RAP1GAP2: variants seen among roughly 807,000 people sequenced by gnomAD.
The protein encoded by RAP1GAP2 is rap1 GTPase-activating protein 2.
Under a neutral mutation model 95.0 loss-of-function variants are expected in RAP1GAP2, and 27 were observed. The ratio of observed to expected loss-of-function variants is 0.28; its 90% CI spans 0.21 to 0.39. The LOEUF (loss-of-function observed/expected upper bound fraction) is 0.39, where lower values mean the gene tolerates loss of function less well. RAP1GAP2 is among the 10% of genes least tolerant of loss of function. The pLI, the probability that RAP1GAP2 is intolerant of heterozygous loss-of-function variation, is 1.00. For synonymous variants in RAP1GAP2, 373 were observed against 380.9 expected (o/e 0.98, Z 0.24); for missense variants, 771 against 970.0 (o/e 0.79, Z 2.72).
intron 3 of RAP1GAP2, among the ~76,000 whole-genome samples, chr17:2,929,844 T>A (rs1355042719): frequency 6.6e-6 from 1 of 151,936 alleles, no homozygotes; most frequent in African/African-American, 2.4e-5. Flanking sequence ...GCCTGAGGCT[T>A]GTAGGTTCAG....
chr17:2,963,987 C>G lies in RAP1GAP2; in HGVS notation c.411C>G (p.Asp137Glu). The change falls in exon 7 of 25, where the codon GAC becomes GAG. Residue 137 changes from aspartate to glutamate, a missense_variant. Transcript: ENST00000254695. The surrounding 1 kb of genome is among the most constrained non-coding windows in gnomAD (Gnocchi z 4.8). ...GSSICEEEEEDNLSPNTFGYK... is the reference protein window; with the variant it reads ...GSSICEEEEEENLSPNTFGYK... ...GCATCTGTGAGGAGGAGGAAGAGGA[C>G]AACCTCAGCCCCAACACATTTGGCT... The G allele has an allele frequency of 1.2e-6, 2 of 1,612,898 alleles. No individual in the cohort carries two copies. Among genetic ancestry groups the G allele is most frequent in the Non-Finnish European group, 1.7e-6 (2 of 1,179,716 alleles).
At chr17:2,976,566 GA>G (rs2045130293) in intron 8 of RAP1GAP2, among the ~76,000 whole-genome samples, 1 of 152,068 alleles carries the variant, frequency 6.6e-6, no homozygotes, top group Non-Finnish European at 1.5e-5. Context: ...GGTATTTAGA[GA>G]GAGATGTATA....
intron 22 of RAP1GAP2, among the ~76,000 whole-genome samples, chr17:3,028,039 C>T (rs1481312133): frequency 1.3e-5 from 2 of 151,998 alleles, no homozygotes; most frequent in African/African-American, 4.8e-5. Flanking sequence ...CAGCACAGGA[C>T]TTTGAGCCTG....
At chr17:2,814,070 G>A (rs1210574585) in intron 2 of RAP1GAP2, among the ~76,000 whole-genome samples, 1 of 152,134 alleles carries the variant, frequency 6.6e-6, no homozygotes, top group Non-Finnish European at 1.5e-5. Context: ...TACTGTTCTA[G>A]GCCTAGTAGG....
chr17:2,758,752 A>G (rs1172515711), intron 1 of RAP1GAP2, among the ~76,000 whole-genome samples: 1 of 152,086 alleles, frequency 6.6e-6, no homozygotes, highest in Non-Finnish European at 1.5e-5. Flanking sequence ...GTAGAAATCG[A>G]CTCAAACTAG....
intron 2 of RAP1GAP2, among the ~76,000 whole-genome samples, chr17:2,874,475 A>C (rs2072998558): frequency 6.6e-6 from 1 of 151,654 alleles, no homozygotes; most frequent in Non-Finnish European, 1.5e-5. Context: ...CAGGGCTGAG[A>C]TGACCTATCT....
intron 2 of RAP1GAP2, among the ~76,000 whole-genome samples, chr17:2,839,235 A>G (rs1427229406): frequency 6.6e-6 from 1 of 152,062 alleles, no homozygotes; most frequent in Non-Finnish European, 1.5e-5. Context: ...CCCAGGAGGC[A>G]GAGGTTGAGT....
intron 2 of RAP1GAP2, among the ~76,000 whole-genome samples, chr17:2,842,544 A>T (rs1453383588): frequency 1.5e-5 from 1 of 68,692 alleles, no homozygotes; most frequent in East Asian, 3.3e-4. Context: ...AAAAAAAAAA[A>T]AAAAAAAATA....
At chr17:2,966,788 G>T (rs1453893953) in intron 8 of RAP1GAP2, among the ~76,000 whole-genome samples, 1 of 152,178 alleles carries the variant, frequency 6.6e-6, no homozygotes, top group Non-Finnish European at 1.5e-5. Flanking sequence ...TTTCCAGCTA[G>T]GTGAACCTCT....
At position 2,903,615 on chromosome 17, in the gene RAP1GAP2, G is replaced by A. The variant is rs1448569189; in HGVS notation, c.81-1669G>A. On this transcript the variant is annotated intron_variant, in intron 2 of 24. Coordinates refer to ENST00000254695, the MANE Select transcript of RAP1GAP2 (RefSeq NM_015085.5). This position sits in a 1 kb window ranked among gnomAD's most constrained non-coding sequence, Gnocchi z 4.1. Reference sequence around the variant, plus strand: ...CAGCCATCAAAACTTACATCAACAAGGTCCAGGAAGAAAGAAAGAGGAAGG... The same window carrying A: ...CAGCCATCAAAACTTACATCAACAAAGTCCAGGAAGAAAGAAAGAGGAAGG... 6.6e-6 allele frequency among the ~76,000 whole-genome samples: 1 copy of A among 152,192 alleles called. No homozygotes were observed. The highest frequency in any genetic ancestry group is 1.9e-4 in the East Asian group (1 of 5,186).
rs2072085392 is a variant in RAP1GAP2, at chr17:2,855,276, A to G, written c.81-50008A>G. Among the ~76,000 whole-genome samples, 1 of 152,222 alleles carries G rather than the reference A, an allele frequency of 6.6e-6. No homozygotes were observed. Among genetic ancestry groups the G allele is most frequent in the South Asian group, 2.1e-4 (1 of 4,830 alleles). On this transcript the variant is annotated intron_variant, in intron 2 of 24. Coordinates refer to ENST00000254695, the MANE Select transcript of RAP1GAP2 (RefSeq NM_015085.5). This position sits in a 1 kb window ranked among gnomAD's most constrained non-coding sequence, Gnocchi z 4.3. ...GTTCAGCATGAAATAACATTGAGTCACCTAGTGAGAAAGTTCTTCCCTTTT... is the reference window on the plus strand; with the variant it reads ...GTTCAGCATGAAATAACATTGAGTCGCCTAGTGAGAAAGTTCTTCCCTTTT...
At position 2,902,259 on chromosome 17, in the gene RAP1GAP2, C is replaced by T. The variant is rs545836557; in HGVS notation, c.81-3025C>T. 9.7e-4 allele frequency among the ~76,000 whole-genome samples: 147 copies of T among 152,044 alleles called. No individual in the cohort carries two copies. Among genetic ancestry groups the T allele is most frequent in the African/African-American group, 3.4e-3 (143 of 41,480 alleles). On this transcript the variant is annotated intron_variant, in intron 2 of 24. Transcript: ENST00000254695. The surrounding 1 kb of genome is among the most constrained non-coding windows in gnomAD (Gnocchi z 4.1). ...TGAGATGGAGTCTTGCTCTGTCACCCGAGCTGGAGTGCAGTGGCACGATCT... is the reference window on the plus strand; with the variant it reads ...TGAGATGGAGTCTTGCTCTGTCACCTGAGCTGGAGTGCAGTGGCACGATCT...
At position 2,760,292 on chromosome 17, in the gene RAP1GAP2, CAAAA is replaced by C. The variant is rs374784170; in HGVS notation, c.50+4543_50+4546del. Among the ~76,000 whole-genome samples the C allele has an allele frequency of 8.4e-5, 5 of 59,232 alleles. No homozygotes were observed. The East Asian group carries it at 2.0e-3, about 24-fold the overall frequency. 38.9% of individuals were successfully genotyped at this position (59,232 alleles called of 152,430 possible). A position where few individuals can be genotyped will look rare whatever the true frequency, so the allele number is the denominator to read the frequency against. On this transcript the variant is annotated intron_variant, in intron 1 of 25. Transcript: ENST00000637138. Reference sequence around the variant, plus strand: ...TGGGGGACAGAGCGAGACTCTGTCTCAAAAAAAAAAAAAAAAAAAAAGAAAAGAA... The same window carrying C: ...TGGGGGACAGAGCGAGACTCTGTCTCAAAAAAAAAAAAAAAAAGAAAAGAA...
rs1233312869 is a variant in RAP1GAP2 at position 2,904,904 on chromosome 17, G to A, written c.81-380G>A. On this transcript the variant is annotated intron_variant, in intron 2 of 24. Transcript: ENST00000254695. The surrounding 1 kb of genome is among the most constrained non-coding windows in gnomAD (Gnocchi z 4.7). ...TGTATTTTTTTTTTTAATTGGAAAC[G>A]GAGTTTCATTCTTGTTGCCCAGGCT... Among the ~76,000 whole-genome samples, 2 of 151,972 alleles carry A rather than the reference G, an allele frequency of 1.3e-5. No individual in the cohort carries two copies. The highest frequency in any genetic ancestry group is 2.9e-5 in the Non-Finnish European group (2 of 67,972).
rs371274877 is a variant in RAP1GAP2 at position 2,985,026 on chromosome 17, A to G, written c.773A>G (p.Asn258Ser). Residue 258 changes from asparagine to serine, a missense_variant, in exon 11 of 25, where the codon AAC (asparagine) becomes AGC (serine). By Grantham distance (46) the Asn-to-Ser change is conservative. Transcript: ENST00000254695. The part of the protein sequence containing the change: ...IVSYDEHEVN[N>S]TFKFGVIYQK... ...TCCTATGATGAGCATGAAGTCAACA[A>G]CACATTCAAATTCGGAGTCATTTAT... The G allele has an allele frequency of 1.4e-5, 22 of 1,613,824 alleles. No homozygotes were observed. Among genetic ancestry groups the G allele is most frequent in the Admixed American group, 6.7e-5 (4 of 59,986 alleles).
intron 2 of RAP1GAP2, among the ~76,000 whole-genome samples, chr17:2,821,983 T>G (rs1018015958): frequency 6.6e-6 from 1 of 152,142 alleles, no homozygotes; most frequent in African/African-American, 2.4e-5. Context: ...AGAAGGCATC[T>G]GAACCGCATA....
Position 2,991,364 on chromosome 17 carries a change from T to A in RAP1GAP2, c.881T>A (p.Leu294Gln). 1 of 1,605,198 alleles carries A rather than the reference T, an allele frequency of 6.2e-7. No homozygotes were observed. Among genetic ancestry groups the A allele is most frequent in the Non-Finnish European group, 8.5e-7 (1 of 1,176,034 alleles). The change falls in exon 12 of 25, where the codon CTG becomes CAG. Residue 294 changes from leucine to glutamine, a missense_variant. By Grantham distance (113) the Leu-to-Gln change is moderately radical (BLOSUM62 -2). Coordinates refer to ENST00000254695, the MANE Select transcript of RAP1GAP2 (RefSeq NM_015085.5). ...GCTTTTAAGGAGTTCTTGGACCTGC[T>A]GGGGGACACGATCACACTGCAGGAT... ...SPAFKEFLDL[L>Q]GDTITLQDFK...
intron 16 of RAP1GAP2, 58 bp downstream of exon 16, chr17:3,006,099 C>G: frequency 7.5e-7 from 1 of 1,338,952 alleles, no homozygotes; most frequent in Non-Finnish European, 1.1e-6. Context: ...TGTTAGCCAG[C>G]CTCATCCAGG....
chr17:2,838,408 G>T (rs1168813649), intron 2 of RAP1GAP2, among the ~76,000 whole-genome samples: 1 of 152,046 alleles, frequency 6.6e-6, no homozygotes, highest in Non-Finnish European at 1.5e-5. Flanking sequence ...CCCAGGGGGT[G>T]GTGTGTGCTG....
Sources: allele counts gnomAD v4.1 joint callset (sites outside exome capture counted in the v4.1 genomes callset), GRCh38; gene constraint gnomAD v4.1.1; non-coding constraint Gnocchi (gnomAD v3.1); transcripts MANE v1.5; gene names NCBI Gene and HGNC (gene_info 2026-07-23, HGNC 2026-07-21).